Variants in DLG2 observed in about 807,000 individuals in gnomAD.
DLG2 encodes the protein discs large MAGUK scaffold protein 2.
DLG2 carries 45 observed loss-of-function variants against 132.5 expected under a neutral mutation model. That is an observed-to-expected ratio of 0.34 (90% confidence interval 0.27 to 0.44). The LOEUF is 0.44. Among genes scored for constraint, DLG2 ranks in the 20% least tolerant of loss-of-function variants. The probability of loss-of-function intolerance (pLI) is 1.00; values close to 1 mark genes in which losing one functional copy is unlikely to be tolerated. For synonymous variants in DLG2, 424 were observed against 419.6 expected (o/e 1.01, Z -0.13); for missense variants, 1,045 against 1,196.9 (o/e 0.87, Z 1.87).
intron 3 of DLG2, among the ~76,000 whole-genome samples, chr11:85,385,005 A>G (rs748371185): frequency 2.0e-5 from 3 of 152,210 alleles, no homozygotes; most frequent in South Asian, 2.1e-4. Context: ...AGCTCAATAG[A>G]TGTGGATTTT....
chr11:84,185,923 T>C (rs1380624561), intron 8 of DLG2, among the ~76,000 whole-genome samples: 1 of 152,178 alleles, frequency 6.6e-6, no homozygotes. Context: ...TTTTAAAGGA[T>C]TGTTTTTCTG....
chr11:85,523,198 T>C (rs890389405), intron 3 of DLG2, among the ~76,000 whole-genome samples: 3 of 152,180 alleles, frequency 2.0e-5, no homozygotes, highest in African/African-American at 7.2e-5. Flanking sequence ...GAGGGGCTTT[T>C]TCCCACTTCA....
At chr11:84,643,474 CA>C (rs541278272) in intron 6 of DLG2, among the ~76,000 whole-genome samples, 31 of 152,236 alleles carry the variant, frequency 2.0e-4, no homozygotes, top group Middle Eastern at 6.8e-3. Flanking sequence ...ACTAAGGGAC[CA>C]CATAGATTTC....
chr11:83,520,878 A>G (rs907235082), intron 21 of DLG2, among the ~76,000 whole-genome samples: 2 of 152,220 alleles, frequency 1.3e-5, no homozygotes, highest in African/African-American at 4.8e-5. Flanking sequence ...ACATAGGAGT[A>G]ACTGGTCTGT....
At chr11:83,590,290 C>A (rs1178864030) in intron 19 of DLG2, among the ~76,000 whole-genome samples, 14 of 152,180 alleles carry the variant, frequency 9.2e-5, no homozygotes, top group African/African-American at 2.7e-4. Context: ...AACAAACAGT[C>A]TCTCAGACCA....
intron 18 of DLG2, among the ~76,000 whole-genome samples, chr11:83,660,768 A>C (rs2074043956): frequency 6.6e-6 from 1 of 152,132 alleles, no homozygotes; most frequent in Non-Finnish European, 1.5e-5. Flanking sequence ...TGATGGAAAA[A>C]AGTGATGGAA....
At chr11:84,581,458 A>G (rs990879909) in intron 6 of DLG2, among the ~76,000 whole-genome samples, 7 of 152,188 alleles carry the variant, frequency 4.6e-5, no homozygotes, top group African/African-American at 1.7e-4. Flanking sequence ...AAAGAGGATA[A>G]GAGTCATTTT....
rs536887605 is a variant in DLG2, at chr11:83,644,804, G to A, written c.1826-11479C>T. Among the ~76,000 whole-genome samples, 3 of 152,180 alleles carry A rather than the reference G, an allele frequency of 2.0e-5. No homozygotes were observed. In the South Asian group the frequency reaches 6.2e-4, roughly 32 times the overall value. ...TTTTTGGCAAAGGATCTATGAGAAA[G>A]TGAAGAACTCCCTGGTTGTACATGG... On this transcript the variant is annotated intron_variant, in intron 18 of 27. Transcript: ENST00000376104.
intron 9 of DLG2, among the ~76,000 whole-genome samples, chr11:84,150,840 C>CT (rs1252496322): frequency 6.6e-6 from 1 of 152,050 alleles, no homozygotes; most frequent in East Asian, 1.9e-4. Flanking sequence ...TTATCCAAAG[C>CT]TTTTTCTAAA....
At chr11:84,225,651 C>G (rs1313677626) in intron 8 of DLG2, among the ~76,000 whole-genome samples, 1 of 152,094 alleles carries the variant, frequency 6.6e-6, no homozygotes, top group Admixed American at 6.6e-5. Flanking sequence ...CTATCGTGTC[C>G]TTTTCCCCAA....
chr11:84,199,553 A>G (rs536826235), intron 8 of DLG2, among the ~76,000 whole-genome samples: 1 of 152,272 alleles, frequency 6.6e-6, no homozygotes, highest in South Asian at 2.1e-4. Flanking sequence ...TTACATAATA[A>G]TAAAGAAAAA....
Position 83,633,207 on chromosome 11 carries a change from C to T in DLG2, c.1940+4G>A, listed in dbSNP as rs1341642006. The T allele has an allele frequency of 1.2e-6, 2 of 1,613,344 alleles. No homozygotes were observed. Among genetic ancestry groups the T allele is most frequent in the Admixed American group, 1.7e-5 (1 of 59,970 alleles). ...TGCAGATAGAGAAATACTCCTTTGC[C>T]TACCTGACGTAGAGGGAGCGTTTCT... On this transcript the variant is annotated splice_donor_region_variant and intron_variant, in intron 19 of 27. Coordinates refer to ENST00000376104, the MANE Select transcript of DLG2 (RefSeq NM_001142699.3).
At chr11:84,094,756 A>G (rs2097143493) in intron 10 of DLG2, among the ~76,000 whole-genome samples, 1 of 152,174 alleles carries the variant, frequency 6.6e-6, no homozygotes, top group South Asian at 2.1e-4. Flanking sequence ...CCACCTCCTG[A>G]TATCATTACA....
At chr11:85,576,715 C>A (rs925678263) in intron 3 of DLG2, among the ~76,000 whole-genome samples, 1 of 152,048 alleles carries the variant, frequency 6.6e-6, no homozygotes, top group Non-Finnish European at 1.5e-5. Flanking sequence ...ACAAGACAAC[C>A]AAGTTCTTTC....
At chr11:83,971,358 G>A (rs2091298081) in intron 12 of DLG2, among the ~76,000 whole-genome samples, 1 of 152,112 alleles carries the variant, frequency 6.6e-6, no homozygotes, top group African/African-American at 2.4e-5. Context: ...AGAAGAGGGA[G>A]CACTGAATTT....
intron 7 of DLG2, among the ~76,000 whole-genome samples, chr11:84,335,196 G>C (rs548168443): frequency 3.4e-5 from 5 of 148,458 alleles, no homozygotes; most frequent in African/African-American, 1.2e-4. Context: ...AAGGGGAAGG[G>C]AAGGGAAAGG....
chr11:83,601,080 A>G (rs1184830577), intron 19 of DLG2, among the ~76,000 whole-genome samples: 1 of 152,242 alleles, frequency 6.6e-6, no homozygotes, highest in Admixed American at 6.5e-5. Context: ...TGATAGAGTA[A>G]GATACAATCT....
At chr11:85,210,698 G>A (rs1016349632) in intron 4 of DLG2, among the ~76,000 whole-genome samples, 1 of 152,074 alleles carries the variant, frequency 6.6e-6, no homozygotes, top group Non-Finnish European at 1.5e-5. Context: ...GTCCCAGCCA[G>A]TATTTCAGCA....
At chr11:84,097,682 C>T (rs556741929) in intron 10 of DLG2, among the ~76,000 whole-genome samples, 1 of 152,116 alleles carries the variant, frequency 6.6e-6, no homozygotes, top group Non-Finnish European at 1.5e-5. Context: ...CTCTTCTCCA[C>T]TTTATTTATT....
Sources: allele counts gnomAD v4.1 joint callset (sites outside exome capture counted in the v4.1 genomes callset), GRCh38; gene constraint gnomAD v4.1.1; transcripts MANE v1.5; gene names NCBI Gene and HGNC (gene_info 2026-07-23, HGNC 2026-07-21).